Variants in RBFOX3 observed in about 807,000 individuals in gnomAD.
RBFOX3 encodes RNA binding fox-1 homolog 3, also known as RNA binding protein fox-1 homolog 3.
In RBFOX3, 17 loss-of-function variants were observed where a neutral mutation model predicts 48.7. The ratio of observed to expected loss-of-function variants is 0.35; its 90% CI spans 0.24 to 0.52. The LOEUF is 0.52. Ranked by LOEUF, RBFOX3 falls within the 20% of genes least tolerant of loss-of-function variation. The pLI, the probability that RBFOX3 is intolerant of heterozygous loss-of-function variation, is 0.94. For missense variants in RBFOX3, 382 were observed against 497.5 expected, an observed-to-expected ratio of 0.77 and a Z score of 2.21; for synonymous variants, 212 against 209.5, an observed-to-expected ratio of 1.01 and a Z score of -0.10.
chr17:79,157,560 C>T (rs1364384662), intron 4 of RBFOX3, among the ~76,000 whole-genome samples: 1 of 152,188 alleles, frequency 6.6e-6, no homozygotes, highest in Admixed American at 6.5e-5. Context: ...GTATGAGGAC[C>T]CGGGGGTGAG....
chr17:79,337,467 A>G (rs7212305), intron 2 of RBFOX3, among the ~76,000 whole-genome samples: 126,771 of 152,190 alleles, frequency 0.83, 53,174 homozygotes, highest in Non-Finnish European at 0.89. Context: ...GAGCCCATTC[A>G]CAAATCGGAT....
At position 79,127,907 on chromosome 17, in the gene RBFOX3, C is replaced by G. The variant is rs111351157; in HGVS notation, c.-33-12159G>C. Among the ~76,000 whole-genome samples the G allele has an allele frequency of 6.5e-3, 987 of 152,354 alleles. 10 individuals carry two copies. The highest frequency in any genetic ancestry group is 0.023 in the African/African-American group (936 of 41,572). ...AATGGGCACCGGAGAGGCTGACTTG[C>G]CCCTGTCACGCTGCCCCCGTCACGC... On this transcript the variant is annotated intron_variant, in intron 4 of 14. Coordinates refer to ENST00000693108, the MANE Select transcript of RBFOX3 (RefSeq NM_001350451.2).
the RBFOX3 span, among the ~76,000 whole-genome samples, chr17:79,632,614 G>A: frequency 1.3e-5 from 2 of 152,036 alleles, no homozygotes; most frequent in Non-Finnish European, 2.9e-5. Context: ...CCGGCCACAC[G>A]CTCCTGTGGC....
At chr17:79,143,636 C>G (rs1320856163) in intron 4 of RBFOX3, among the ~76,000 whole-genome samples, 1 of 152,192 alleles carries the variant, frequency 6.6e-6, no homozygotes, top group South Asian at 2.1e-4. Context: ...CCCCTTCGCT[C>G]GGCACCAACG....
At chr17:79,281,466 C>T (rs114721423) in intron 3 of RBFOX3, among the ~76,000 whole-genome samples, 1,426 of 135,732 alleles carry the variant, frequency 0.011, 22 homozygotes, top group African/African-American at 0.037. Context: ...ACTATCCAGA[C>T]GCCTTGGGGC....
At chr17:79,523,378 C>A (rs2150013528) in intron 1 of RBFOX3, among the ~76,000 whole-genome samples, 1 of 152,258 alleles carries the variant, frequency 6.6e-6, no homozygotes, top group Admixed American at 6.5e-5. Context: ...TAAATGTCAC[C>A]AGTCACCACC....
intron 4 of RBFOX3, among the ~76,000 whole-genome samples, chr17:79,127,406 G>C (rs1323537977): frequency 6.6e-6 from 1 of 152,248 alleles, no homozygotes; most frequent in Non-Finnish European, 1.5e-5. Flanking sequence ...GGTGAGGGAG[G>C]AGAGGAGGTG....
intron 6 of RBFOX3, among the ~76,000 whole-genome samples, chr17:79,105,696 C>A (rs1171150967): frequency 6.6e-6 from 1 of 152,180 alleles, no homozygotes; most frequent in East Asian, 1.9e-4. Flanking sequence ...TGACAAATCC[C>A]AGCTGGGTCA....
At chr17:79,114,690 C>A (rs924641695) in intron 5 of RBFOX3, among the ~76,000 whole-genome samples, 1 of 152,226 alleles carries the variant, frequency 6.6e-6, no homozygotes, top group East Asian at 1.9e-4. Context: ...CGCCAGCTAG[C>A]ACATCCAGCG....
intron 2 of RBFOX3, among the ~76,000 whole-genome samples, chr17:79,437,528 C>T (rs1380268930): frequency 1.3e-5 from 2 of 152,200 alleles, no homozygotes; most frequent in East Asian, 1.9e-4. Context: ...TGGCAGAGCC[C>T]GGGACACCCG....
intron 2 of RBFOX3, among the ~76,000 whole-genome samples, chr17:79,412,666 G>A (rs2064633280): frequency 6.6e-6 from 1 of 151,700 alleles, no homozygotes; most frequent in South Asian, 2.1e-4. Flanking sequence ...TGATATGTGT[G>A]AGTGTATGGT....
At chr17:79,625,740 C>G in the RBFOX3 span, among the ~76,000 whole-genome samples, 1 of 152,094 alleles carries the variant, frequency 6.6e-6, no homozygotes, top group African/African-American at 2.4e-5. Flanking sequence ...TGCAGTGAGC[C>G]GAAATCGAGC....
chr17:79,644,337 TATG>T, the RBFOX3 span, among the ~76,000 whole-genome samples: 19 of 152,272 alleles, frequency 1.2e-4, no homozygotes, highest in East Asian at 3.5e-3. Flanking sequence ...CCAACATAAC[TATG>T]ATATCAAAAA....
intron 1 of RBFOX3, among the ~76,000 whole-genome samples, chr17:79,588,610 C>A (rs913619635): frequency 2.0e-5 from 3 of 152,222 alleles, no homozygotes; most frequent in Non-Finnish European, 4.4e-5. Flanking sequence ...ATGAATAGCA[C>A]TCTGCAGGTA....
chr17:79,392,687 G>A lies in RBFOX3; in HGVS notation c.-174-84863C>T, dbSNP rs2061504928. On this transcript the variant is annotated intron_variant, in intron 2 of 14. Coordinates refer to ENST00000693108, the MANE Select transcript of RBFOX3 (RefSeq NM_001350451.2). This position sits in a 1 kb window ranked among gnomAD's most constrained non-coding sequence, Gnocchi z 5.0. ...CTTCCCGATATCTGGCAAGCATCGG[G>A]CAGTGGCTCTATGAGCTTGGGTCCT... Among the ~76,000 whole-genome samples, 1 of 152,144 alleles carries A rather than the reference G, an allele frequency of 6.6e-6. No individual in the cohort carries two copies. Among genetic ancestry groups the A allele is most frequent in the Non-Finnish European group, 1.5e-5 (1 of 68,036 alleles).
chr17:79,200,529 C>T (rs975429712), intron 4 of RBFOX3, among the ~76,000 whole-genome samples: 7 of 152,206 alleles, frequency 4.6e-5, no homozygotes, highest in Non-Finnish European at 1.0e-4. Context: ...GGAGGGACAG[C>T]GGTGGCCGAG....
intron 1 of RBFOX3, among the ~76,000 whole-genome samples, chr17:79,517,317 T>C (rs1599020771): frequency 1.3e-5 from 2 of 151,304 alleles, no homozygotes; most frequent in African/African-American, 2.4e-5. Context: ...TGGTGGCAGG[T>C]GCCTATAATC....
chr17:79,451,366 T>C (rs2149139922), intron 2 of RBFOX3, among the ~76,000 whole-genome samples: 1 of 152,238 alleles, frequency 6.6e-6, no homozygotes, highest in East Asian at 1.9e-4. Flanking sequence ...CGGGAAGACG[T>C]TGTCACCTCC....
Position 79,242,854 on chromosome 17 carries a change from T to C in RBFOX3, c.-73-7049A>G, listed in dbSNP as rs1040018038. Among the ~76,000 whole-genome samples the C allele has an allele frequency of 1.3e-5, 2 of 152,132 alleles. No individual in the cohort carries two copies. The highest frequency in any genetic ancestry group is 2.9e-5 in the Non-Finnish European group (2 of 67,996). ...CTCTCCCAGGAAGCCCGGGCAGGGCTCCACAGCAACCTGCCTGGAGTCCCA... is the reference window on the plus strand; with the variant it reads ...CTCTCCCAGGAAGCCCGGGCAGGGCCCCACAGCAACCTGCCTGGAGTCCCA... On this transcript the variant is annotated intron_variant, in intron 3 of 14. Transcript: ENST00000693108. The surrounding 1 kb of genome is among the most constrained non-coding windows in gnomAD (Gnocchi z 5.8).
Sources: gnomAD v4.1 joint callset for allele counts (sites outside exome capture counted in the v4.1 genomes callset) on GRCh38, gnomAD v4.1.1 for gene constraint, Gnocchi (gnomAD v3.1) non-coding constraint, MANE v1.5 for transcripts, NCBI Gene and HGNC (gene_info 2026-07-23, HGNC 2026-07-21) for gene names.